The following PREX2 variants were observed in gnomAD, a reference collection of about 807,000 sequenced individuals.
PREX2 encodes the protein phosphatidylinositol-3,4,5-trisphosphate dependent Rac exchange factor 2.
PREX2 carries 107 observed loss-of-function variants against 203.2 expected under a neutral mutation model. That is an observed-to-expected ratio of 0.53 (90% CI 0.45 to 0.62). PREX2 has a LOEUF of 0.62. Among genes scored for constraint, PREX2 ranks in the 20% least tolerant of loss-of-function variants. The pLI, the probability that PREX2 is intolerant of heterozygous loss-of-function variation, is 0.00. For synonymous variants in PREX2, 672 were observed against 663.6 expected, an observed-to-expected ratio of 1.01 and a Z score of -0.19; for missense variants, 1,777 against 1,955.9, an observed-to-expected ratio of 0.91 and a Z score of 1.72.
intron 15 of PREX2, 47 bp from the exon 16 acceptor site, chr8:68,080,396 C>G (rs1391810066): frequency 9.5e-6 from 15 of 1,575,154 alleles, no homozygotes; most frequent in African/African-American, 8.1e-5. Flanking sequence ...AAAATGAGTG[C>G]GATTTTTGAA....
chr8:68,027,686 T>C (rs1198282922), intron 5 of PREX2, among the ~76,000 whole-genome samples: 2 of 152,096 alleles, frequency 1.3e-5, no homozygotes, highest in African/African-American at 4.8e-5. Context: ...TTTGATTTCC[T>C]TAAACTTTGA....
At chr8:68,165,449 C>T (rs889253686) in intron 35 of PREX2, among the ~76,000 whole-genome samples, 6 of 152,016 alleles carry the variant, frequency 3.9e-5, no homozygotes, top group African/African-American at 1.2e-4. Flanking sequence ...CCCATCCCCT[C>T]GGTGTTTTCA....
intron 34 of PREX2, among the ~76,000 whole-genome samples, chr8:68,151,915 C>T (rs1007964201): frequency 2.6e-5 from 4 of 151,862 alleles, no homozygotes; most frequent in South Asian, 2.1e-4. Context: ...TGAAAGGGGA[C>T]GTTTTGTTAT....
At chr8:68,025,191 G>C (rs1196687501) in intron 4 of PREX2, among the ~76,000 whole-genome samples, 1 of 151,634 alleles carries the variant, frequency 6.6e-6, no homozygotes, top group South Asian at 2.1e-4. Flanking sequence ...ACTTTGCTCA[G>C]TCTTTTTTTT....
At chr8:67,956,821 T>G (rs532451736) in intron 1 of PREX2, among the ~76,000 whole-genome samples, 1 of 152,390 alleles carries the variant, frequency 6.6e-6, no homozygotes, top group South Asian at 2.1e-4. Flanking sequence ...GACTTCAAGC[T>G]ATGTGTCTTG....
intron 37 of PREX2, among the ~76,000 whole-genome samples, chr8:68,212,427 C>G (rs567745355): frequency 1.6e-4 from 24 of 152,230 alleles, no homozygotes; most frequent in African/African-American, 1.2e-4. Flanking sequence ...CTCCTACACA[C>G]TGGAGTAATG....
intron 7 of PREX2, among the ~76,000 whole-genome samples, chr8:68,038,851 T>G (rs1808110865): frequency 6.6e-6 from 1 of 152,182 alleles, no homozygotes; most frequent in South Asian, 2.1e-4. Context: ...GGATGATCTA[T>G]CCAGAATTTT....
chr8:68,012,949 A>C (rs1403659576), intron 1 of PREX2, among the ~76,000 whole-genome samples: 1 of 152,244 alleles, frequency 6.6e-6, no homozygotes, highest in South Asian at 2.1e-4. Context: ...AGAGGAAAAG[A>C]GTATGTGCTA....
rs747394897 is a variant in PREX2, at chr8:68,038,321, A to T, written c.839+29A>T. On this transcript the variant is annotated intron_variant, in intron 7 of 39. Transcript: ENST00000288368. Reference sequence around the variant, plus strand: ...AGATCCTAAGCAGGACACACTTCAGAAGTGGTCACAGTTTCTACCTTTCCC... The same window carrying T: ...AGATCCTAAGCAGGACACACTTCAGTAGTGGTCACAGTTTCTACCTTTCCC... 8.1e-6 allele frequency: 13 copies of T among 1,609,948 alleles called. No individual in the cohort carries two copies. In the African/African-American group the frequency reaches 1.3e-4, roughly 17 times the overall value.
chr8:68,188,316 A>G (rs1474108038), intron 35 of PREX2, among the ~76,000 whole-genome samples: 1 of 152,224 alleles, frequency 6.6e-6, no homozygotes, highest in Non-Finnish European at 1.5e-5. Flanking sequence ...AAAAAACTAA[A>G]TAAAAATAAT....
intron 21 of PREX2, among the ~76,000 whole-genome samples, chr8:68,096,504 G>T (rs556427415): frequency 6.6e-6 from 1 of 152,240 alleles, no homozygotes; most frequent in African/African-American, 2.4e-5. Context: ...TGAACAATGA[G>T]AAATTTTCTC....
chr8:68,165,945 A>G (rs1811752562), intron 35 of PREX2, among the ~76,000 whole-genome samples: 1 of 152,180 alleles, frequency 6.6e-6, no homozygotes, highest in Admixed American at 6.5e-5. Flanking sequence ...CAAAAATAGG[A>G]AAGTATCTGC....
At chr8:67,979,453 C>G (rs1181134264) in intron 1 of PREX2, among the ~76,000 whole-genome samples, 1 of 152,122 alleles carries the variant, frequency 6.6e-6, no homozygotes, top group Non-Finnish European at 1.5e-5. Flanking sequence ...TAAGCCAGGT[C>G]TGATTATTTT....
In PREX2 at chr8:68,038,437, T is replaced by G. The variant is rs60561298; in HGVS notation, c.839+145T>G. The G allele has an allele frequency of 7.1e-3, 5,502 of 771,596 alleles. 191 individuals carry two copies. In the African/African-American group the frequency reaches 0.08, roughly 11 times the overall value. The allele number at this position is 771,596 out of a possible 1,614,324, so 47.8% of individuals were successfully genotyped here. ...GCCCATCATCCATCAGTGCATTTCT[T>G]CACATATATTCAGTCTGCTCACTGG... On this transcript the variant is annotated intron_variant, in intron 7 of 39. Transcript: ENST00000288368.
intron 37 of PREX2, among the ~76,000 whole-genome samples, chr8:68,215,619 C>T (rs1812820159): frequency 4.6e-5 from 7 of 151,974 alleles, no homozygotes; most frequent in Admixed American, 4.6e-4. Context: ...ACTGCAAGCT[C>T]CGCCTCCTGA....
At chr8:68,069,206 G>C in intron 12 of PREX2, 70 bp downstream of exon 12, 1 of 761,570 alleles carries the variant, frequency 1.3e-6, no homozygotes, top group Admixed American at 3.0e-5. Context: ...ATAAAAGGTA[G>C]TTGAGAAACA....
chr8:68,191,802 A>C lies in PREX2; in HGVS notation c.4413+14A>C. The C allele has an allele frequency of 6.5e-7, 1 of 1,526,960 alleles. No individual in the cohort carries two copies. Among genetic ancestry groups the C allele is most frequent in the South Asian group, 1.2e-5 (1 of 86,174 alleles). 94.6% of individuals were successfully genotyped at this position (1,526,960 alleles called of 1,614,324 possible). A position where few individuals can be genotyped will look rare whatever the true frequency, so the allele number is the denominator to read the frequency against. ...TATGTAGATAAGGTAAAAACAGATG[A>C]TTATATTTATTGGTGCTTTTTAATT... On this transcript the variant is annotated intron_variant, in intron 36 of 39. Transcript: ENST00000288368.
intron 10 of PREX2, among the ~76,000 whole-genome samples, chr8:68,058,771 G>A (rs1278440861): frequency 6.6e-6 from 1 of 152,140 alleles, no homozygotes; most frequent in East Asian, 1.9e-4. Context: ...TAATGATGAA[G>A]AAGCTGGAGT....
intron 37 of PREX2, among the ~76,000 whole-genome samples, chr8:68,214,801 C>T (rs751660662): frequency 2.0e-5 from 3 of 152,122 alleles, no homozygotes; most frequent in Non-Finnish European, 4.4e-5. Flanking sequence ...AGTGGAAATA[C>T]AAGGCCTTGG....
Sources: allele counts gnomAD v4.1 joint callset (sites outside exome capture counted in the v4.1 genomes callset), GRCh38; gene constraint gnomAD v4.1.1; transcripts MANE v1.5; gene names NCBI Gene and HGNC (gene_info 2026-07-23, HGNC 2026-07-21).